The following TUBGCP5 variants were observed in gnomAD, a reference collection of about 807,000 sequenced individuals.
TUBGCP5 encodes tubulin gamma complex component 5.
A neutral mutation model predicts 134.7 loss-of-function variants in TUBGCP5; 98 were observed. The observed-to-expected ratio is 0.73, with a 90% CI of 0.62 to 0.86. TUBGCP5 has a LOEUF of 0.86. Among genes scored for constraint, TUBGCP5 ranks in the 40% least tolerant of loss-of-function variants. The pLI is 0.00. For missense variants in TUBGCP5, 1,150 were observed against 1,244.8 expected (o/e 0.92, Z 1.15); for synonymous variants, 456 against 431.4 (o/e 1.06, Z -0.71).
At chr15:23,027,134 C>A in intron 7 of TUBGCP5, 58 bp downstream of exon 7, 1 of 1,296,696 alleles carries the variant, frequency 7.7e-7, no homozygotes, top group Non-Finnish European at 1.1e-6. Flanking sequence ...CAAAGCCAAA[C>A]GTTTAAACAT....
At chr15:23,014,681 C>T (rs72693863) in intron 13 of TUBGCP5, among the ~76,000 whole-genome samples, 31,559 of 152,144 alleles carry the variant, frequency 0.21, 3,784 homozygotes, top group South Asian at 0.27. Context: ...TGCAGGCAGA[C>T]ATGCACCCAG....
In TUBGCP5 at chr15:23,027,287, G is replaced by A. The variant is rs748243840; in HGVS notation, c.642C>T (p.Ser214=). The change falls in exon 7 of 23, where the codon AGC becomes AGT. Residue 214 remains serine, a synonymous_variant. Coordinates refer to ENST00000615383, the MANE Select transcript of TUBGCP5 (RefSeq NM_052903.6). ...GATGGACCACATGATGTTCCAGCCA[G>A]CTTCGGTCATCTGGCTCATCTGCTT... is the stretch of plus-strand genomic sequence containing the variant. ...ISWKDEPDDR[S]WLEHHVVHQY... is the part of the protein sequence containing the mutation. 1.2e-5 allele frequency: 20 copies of A among 1,613,656 alleles called. No individual in the cohort carries two copies. In the African/African-American group the frequency reaches 2.1e-4, roughly 17 times the overall value.
intron 10 of TUBGCP5, 50 bp downstream of exon 10, chr15:23,023,897 C>T: frequency 2.6e-6 from 4 of 1,564,032 alleles, no homozygotes; most frequent in Non-Finnish European, 3.5e-6. Context: ...AAGTGGCATT[C>T]AAATTATGAG....
chr15:22,988,714 C>T lies in TUBGCP5; in HGVS notation c.*62-5103G>A, dbSNP rs566740697. ...TCGCGTGACTGCACTCCAGCCTGGA[C>T]GACAGAGCGAGACTCCGTCTCAAAA... On this transcript the variant is annotated intron_variant and NMD_transcript_variant, in intron 23 of 23. Coordinates refer to the TUBGCP5 transcript ENST00000614508. Among the ~76,000 whole-genome samples the T allele has an allele frequency of 2.2e-4, 31 of 141,102 alleles. 1 individual carries two copies. Among genetic ancestry groups the T allele is most frequent in the East Asian group, 1.9e-3 (9 of 4,678 alleles). 92.6% of individuals were successfully genotyped at this position (141,102 alleles called of 152,430 possible). A position where few individuals can be genotyped will look rare whatever the true frequency, so the allele number is the denominator to read the frequency against.
At position 23,003,632 on chromosome 15, in the gene TUBGCP5, GTTTTTTT is replaced by G. The variant is rs531926227; in HGVS notation, c.2838+463_2838+469del. ...CTACGAATAGGGCACTCCTCCTTCT[GTTTTTTT>G]TTTTTTTTTTTTTTTTTTTTTTAAG... On this transcript the variant is annotated intron_variant, in intron 20 of 22. Transcript: ENST00000615383. Among the ~76,000 whole-genome samples the G allele has an allele frequency of 3.4e-3, 298 of 88,664 alleles. 3 individuals are homozygous for G. Among genetic ancestry groups the G allele is most frequent in the African/African-American group, 0.011 (282 of 25,182 alleles). The allele number at this position is 88,664 out of a possible 152,430, so 58.2% of individuals were successfully genotyped here.
At chr15:23,018,659 C>A (rs937613439) in intron 12 of TUBGCP5, among the ~76,000 whole-genome samples, 5 of 152,038 alleles carry the variant, frequency 3.3e-5, no homozygotes, top group African/African-American at 4.8e-5. Flanking sequence ...CTAAATATAC[C>A]GCATAATTTA....
intron 3 of TUBGCP5, 94 bp downstream of exon 3, chr15:23,036,803 A>C: frequency 1.1e-6 from 1 of 910,598 alleles, no homozygotes; most frequent in Non-Finnish European, 1.7e-6. Context: ...ATAATACTAA[A>C]ATAGAATGTT....
At chr15:23,035,037 T>A (rs1229364786) in intron 3 of TUBGCP5, among the ~76,000 whole-genome samples, 1 of 151,812 alleles carries the variant, frequency 6.6e-6, no homozygotes, top group Non-Finnish European at 1.5e-5. Context: ...ATTAAAAGGA[T>A]AATAAAGAAG....
rs145948769 is a variant in TUBGCP5 at position 22,986,521 on chromosome 15, G to A, written c.*62-2910C>T. 6.3e-3 allele frequency among the ~76,000 whole-genome samples: 951 copies of A among 152,072 alleles called. 30 individuals are homozygous for A. In the South Asian group the frequency reaches 0.08, roughly 13 times the overall value. On this transcript the variant is annotated intron_variant and NMD_transcript_variant, in intron 23 of 23. Transcript: ENST00000614508. Reference sequence around the variant, plus strand: ...GGAGGCCAAGGCGGGTGGATCACTCGAGGTCAGGAGTTCGAGACCAGCCTG... The same window carrying A: ...GGAGGCCAAGGCGGGTGGATCACTCAAGGTCAGGAGTTCGAGACCAGCCTG...
At chr15:22,994,377 A>C (rs1360360959), downstream of TUBGCP5, among the ~76,000 whole-genome samples, 1 of 152,178 alleles carries the variant, frequency 6.6e-6, no homozygotes, top group Non-Finnish European at 1.5e-5. Flanking sequence ...GGCGTGAGCC[A>C]CCGTGCCTGG....
intron 6 of TUBGCP5, among the ~76,000 whole-genome samples, chr15:23,029,172 T>A (rs1354459745): frequency 1.3e-5 from 2 of 152,174 alleles, no homozygotes; most frequent in African/African-American, 2.4e-5. Context: ...CCAAATTAGA[T>A]CTATAAATTC....
chr15:23,001,653 C>CT (rs59087813), intron 21 of TUBGCP5, among the ~76,000 whole-genome samples: 191 of 142,664 alleles, frequency 1.3e-3, no homozygotes, highest in Admixed American at 2.3e-3. Context: ...TTCTTTCTTT[C>CT]TTTTTTTTTT....
At chr15:23,021,819 A>C (rs1056929039) in intron 11 of TUBGCP5, 140 bp downstream of exon 11, 1 of 926,454 alleles carries the variant, frequency 1.1e-6, no homozygotes, top group Non-Finnish European at 1.6e-6. Context: ...CTACAGCCTT[A>C]AATTTGGAAG....
At position 23,026,889 on chromosome 15, in the gene TUBGCP5, C is replaced by T. The variant is rs549124592; in HGVS notation, c.737+303G>A. 3.3e-4 allele frequency among the ~76,000 whole-genome samples: 50 copies of T among 152,142 alleles called. 2 individuals are homozygous for T. In the South Asian group the frequency reaches 8.9e-3, roughly 27 times the overall value. On this transcript the variant is annotated intron_variant, in intron 7 of 22. Transcript: ENST00000615383. Reference sequence around the variant, plus strand: ...CAGATGTTACAGTGAGCCATGATTACGCCACTGCACTCCAGCCAGGGTGAC... The same window carrying T: ...CAGATGTTACAGTGAGCCATGATTATGCCACTGCACTCCAGCCAGGGTGAC...
At chr15:23,010,518 G>C (rs184086904) in intron 14 of TUBGCP5, among the ~76,000 whole-genome samples, 1 of 152,286 alleles carries the variant, frequency 6.6e-6, no homozygotes, top group East Asian at 1.9e-4. Context: ...TCATGGCCCA[G>C]AGTTTCAGCA....
rs192499993 is a variant in TUBGCP5, at chr15:23,035,031, A to G, written c.309+1866T>C. Among the ~76,000 whole-genome samples the G allele has an allele frequency of 1.0e-3, 156 of 152,252 alleles. No individual in the cohort carries two copies. The Middle Eastern group carries it at 0.014, about 13-fold the overall frequency. On this transcript the variant is annotated intron_variant, in intron 3 of 22. Transcript: ENST00000615383. ...ATCACTACTGATCCCACAGACATTA[A>G]AAGGATAATAAAGAAGCTCGGCATG...
At chr15:23,009,072 CAGA>C (rs1274375602) in intron 15 of TUBGCP5, among the ~76,000 whole-genome samples, 191 bp from the exon 16 acceptor site, 1 of 151,978 alleles carries the variant, frequency 6.6e-6, no homozygotes, top group Non-Finnish European at 1.5e-5. Context: ...CTTTCATCAT[CAGA>C]AAGGTTATCT....
At chr15:23,015,086 T>C (rs1050837324) in intron 13 of TUBGCP5, among the ~76,000 whole-genome samples, 2 of 152,082 alleles carry the variant, frequency 1.3e-5, no homozygotes, top group Non-Finnish European at 2.9e-5. Context: ...GCTGTGCTAC[T>C]GTTTGTTTTT....
In TUBGCP5 at chr15:23,004,540, T is replaced by TA. The variant is rs895744953; in HGVS notation, c.2713-314dup. On this transcript the variant is annotated intron_variant, in intron 19 of 22. Transcript: ENST00000615383. ...TTAAGCTGTATATAAGACACATCGA[T>TA]AAAAAAAAAATCAAGTAAATGTGTT... 1,571 of 217,388 alleles carry TA rather than the reference T, an allele frequency of 7.2e-3. 1 individual carries two copies. Among genetic ancestry groups the TA allele is most frequent in the Middle Eastern group, 0.013 (9 of 684 alleles). 13.5% of individuals were successfully genotyped at this position (217,388 alleles called of 1,614,324 possible).
Sources: gnomAD v4.1 joint callset for allele counts (sites outside exome capture counted in the v4.1 genomes callset) on GRCh38, gnomAD v4.1.1 for gene constraint, MANE v1.5 for transcripts, NCBI Gene and HGNC (gene_info 2026-07-23, HGNC 2026-07-21) for gene names.